Variants in FAM133A observed in about 807,000 individuals in gnomAD.
FAM133A encodes family with sequence similarity 133 member A.
For synonymous variants in FAM133A, 65 were observed against 58.6 expected, an observed-to-expected ratio of 1.11 and a Z score of -0.50; for missense variants, 159 against 164.4, an observed-to-expected ratio of 0.97 and a Z score of 0.18.
At chrX:93,677,069 A>G (rs186182258) in intron 2 of FAM133A, among the ~76,000 whole-genome samples, 13 of 110,946 alleles carry the variant, frequency 1.2e-4, no homozygotes, top group Non-Finnish European at 2.5e-4. Flanking sequence ...TAGTTTTATC[A>G]TATCATATGC....
At position 93,707,232 on chromosome X, in the gene FAM133A, T is replaced by C. The variant is rs1447429676; in HGVS notation, c.-103-2085T>C. Reference sequence around the variant, plus strand: ...AATGATATTTGAGACGTGGTTAGGGTAAGAGTAAGAATGAAAATTACAGAA... The same window carrying C: ...AATGATATTTGAGACGTGGTTAGGGCAAGAGTAAGAATGAAAATTACAGAA... On this transcript the variant is annotated intron_variant, in intron 3 of 3. Coordinates refer to ENST00000683942, the MANE Select transcript of FAM133A (RefSeq NM_001171109.2). Among the ~76,000 whole-genome samples the C allele has an allele frequency of 3.6e-5, 4 of 111,392 alleles. No homozygotes were observed. In the Admixed American group the frequency reaches 3.8e-4, roughly 11 times the overall value.
At chrX:93,683,978 C>T (rs1171373990) in intron 2 of FAM133A, among the ~76,000 whole-genome samples, 1 of 111,470 alleles carries the variant, frequency 9.0e-6, no homozygotes, top group African/African-American at 3.3e-5. Context: ...TGATTGTTTC[C>T]TTTGCTGTGC....
At chrX:93,700,553 GA>G in intron 3 of FAM133A, among the ~76,000 whole-genome samples, 1 of 111,366 alleles carries the variant, frequency 9.0e-6, no homozygotes, top group South Asian at 3.7e-4. Flanking sequence ...GCCAGTTATG[GA>G]AATATAGTCC....
At chrX:93,705,446 G>A (rs1052842790) in intron 3 of FAM133A, among the ~76,000 whole-genome samples, 4 of 111,224 alleles carry the variant, frequency 3.6e-5, no homozygotes, top group African/African-American at 6.5e-5. Context: ...TATCTTCTAG[G>A]AAAGGATCAT....
chrX:93,683,523 T>C (rs766609107), intron 2 of FAM133A, among the ~76,000 whole-genome samples: 1 of 112,097 alleles, frequency 8.9e-6, no homozygotes, highest in Admixed American at 9.5e-5. Flanking sequence ...AATACTTTTC[T>C]TTGGAAAGTC....
chrX:93,696,824 T>G (rs1179746678), intron 2 of FAM133A, among the ~76,000 whole-genome samples: 5 of 108,116 alleles, frequency 4.6e-5, no homozygotes, highest in East Asian at 5.8e-4. Flanking sequence ...GGAGGCTGAG[T>G]CAGGAGAATG....
chrX:93,687,514 A>G (rs1323393572), intron 2 of FAM133A, among the ~76,000 whole-genome samples: 2 of 111,804 alleles, frequency 1.8e-5, no homozygotes. Context: ...TTAAAAATTT[A>G]AAAAGATGTG....
intron 2 of FAM133A, among the ~76,000 whole-genome samples, chrX:93,690,548 T>C: frequency 8.9e-6 from 1 of 112,179 alleles, no homozygotes; most frequent in East Asian, 2.8e-4. Flanking sequence ...CATGGATCAA[T>C]AATTTTTCTT....
At chrX:93,690,704 A>G (rs1025323540) in intron 2 of FAM133A, among the ~76,000 whole-genome samples, 3 of 111,943 alleles carry the variant, frequency 2.7e-5, no homozygotes, top group African/African-American at 9.7e-5. Flanking sequence ...GTATTTGTGT[A>G]GACAAATGTT....
intron 2 of FAM133A, among the ~76,000 whole-genome samples, chrX:93,695,703 G>A (rs1398076250): frequency 5.3e-4 from 49 of 93,098 alleles, no homozygotes; most frequent in Middle Eastern, 6.5e-3. Flanking sequence ...GTGCAGTGGC[G>A]CGATCTCTGC....
intron 3 of FAM133A, among the ~76,000 whole-genome samples, chrX:93,703,227 A>C (rs1926838928): frequency 9.0e-6 from 1 of 111,192 alleles, no homozygotes; most frequent in Admixed American, 9.6e-5. Context: ...TCTATAAAAT[A>C]AATAACTGAT....
Position 93,700,024 on chromosome X carries a change from G to A in FAM133A, c.-104+1539G>A, listed in dbSNP as rs974516476. Among the ~76,000 whole-genome samples the A allele has an allele frequency of 2.7e-5, 3 of 109,841 alleles. No individual in the cohort carries two copies. In the Admixed American group the frequency reaches 2.9e-4, roughly 11 times the overall value. ...AATTTGAGAACATTTCTAGAAAGAA[G>A]CCTCTGATACATGTTTTTTTTTTAA... is the stretch of plus-strand genomic sequence containing the variant. On this transcript the variant is annotated intron_variant, in intron 3 of 3. Coordinates refer to ENST00000683942, the MANE Select transcript of FAM133A (RefSeq NM_001171109.2).
chrX:93,690,362 G>A (rs1167721340), intron 2 of FAM133A, among the ~76,000 whole-genome samples: 1 of 110,621 alleles, frequency 9.0e-6, no homozygotes, highest in Admixed American at 9.6e-5. Flanking sequence ...AGTTATCTAG[G>A]GCCTGTTAGC....
intron 3 of FAM133A, among the ~76,000 whole-genome samples, chrX:93,700,781 G>A (rs1335680768): frequency 1.8e-5 from 2 of 111,121 alleles, no homozygotes; most frequent in Non-Finnish European, 3.8e-5. Flanking sequence ...AATAAATAAC[G>A]TAGTACTTTT....
chrX:93,696,446 A>G (rs1926277685), intron 2 of FAM133A, among the ~76,000 whole-genome samples: 1 of 111,905 alleles, frequency 8.9e-6, no homozygotes, highest in African/African-American at 3.2e-5. Flanking sequence ...CTCTTATGGA[A>G]GTGCAAGTTT....
Position 93,710,971 on chromosome X carries a change from TTTGA to T in FAM133A, c.*808_*811del, listed in dbSNP as rs1304123522. Reference sequence around the variant, plus strand: ...CCATTCTAAACAGACCCTGATGTTGTTTGATTAAGAAATATTCTGAAATTTTTTT... The same window carrying T: ...CCATTCTAAACAGACCCTGATGTTGTTTAAGAAATATTCTGAAATTTTTTT... On this transcript the variant is annotated 3_prime_UTR_variant, in exon 4 of 4. Transcript: ENST00000683942. The T allele has an allele frequency of 8.9e-5, 11 of 123,266 alleles. No individual in the cohort carries two copies. Among genetic ancestry groups the T allele is most frequent in the African/African-American group, 1.6e-4 (5 of 30,839 alleles). The allele number at this position is 123,266 out of a possible 1,213,427, so 10.2% of individuals were successfully genotyped here. A position where few individuals can be genotyped will look rare whatever the true frequency, so the allele number is the denominator to read the frequency against.
chrX:93,695,935 C>T (rs1221051590), intron 2 of FAM133A, among the ~76,000 whole-genome samples: 2 of 111,180 alleles, frequency 1.8e-5, no homozygotes, highest in South Asian at 3.7e-4. Context: ...TGAGCCACTG[C>T]GCCTGGCCAG....
chrX:93,685,760 C>T (rs751836041), intron 2 of FAM133A, among the ~76,000 whole-genome samples: 3 of 111,562 alleles, frequency 2.7e-5, no homozygotes, highest in Non-Finnish European at 5.6e-5. Flanking sequence ...TCACCTTCTT[C>T]ATTTATCTTC....
rs188055743 is a variant in FAM133A, at chrX:93,682,835, G to C, written c.-193+8083G>C. On this transcript the variant is annotated intron_variant, in intron 2 of 3. Transcript: ENST00000683942. The stretch of plus-strand genomic sequence containing the variant: ...TTAACCATGTTGGTCAGTTGGCCTC[G>C]AACTCCTGACTTCAAGTGATCCACC... Among the ~76,000 whole-genome samples the C allele has an allele frequency of 3.6e-4, 40 of 110,989 alleles. No individual in the cohort carries two copies. In the East Asian group the frequency reaches 9.1e-3, roughly 25 times the overall value.
Sources: gnomAD v4.1 joint callset for allele counts (sites outside exome capture counted in the v4.1 genomes callset) on GRCh38, gnomAD v4.1.1 for gene constraint, MANE v1.5 for transcripts, NCBI Gene and HGNC (gene_info 2026-07-23, HGNC 2026-07-21) for gene names.